The following TBX15 variants were observed in gnomAD, a reference collection of about 807,000 sequenced individuals.
The protein encoded by TBX15 is T-box transcription factor TBX15.
In TBX15, 18 loss-of-function variants were observed where a neutral mutation model predicts 53.9. The observed-to-expected ratio is 0.33, with a 90% CI of 0.23 to 0.49. TBX15 has a LOEUF of 0.49. Ranked by LOEUF, TBX15 falls within the 20% of genes least tolerant of loss-of-function variation. TBX15 has a pLI of 0.98. For synonymous variants in TBX15, 295 were observed against 278.0 expected, an observed-to-expected ratio of 1.06 and a Z score of -0.61; for missense variants, 692 against 749.5, an observed-to-expected ratio of 0.92 and a Z score of 0.90.
chr1:118,884,928 G>C lies in TBX15; in HGVS notation c.1613C>G (p.Ser538Cys). The change falls in exon 8 of 8, where the codon TCT becomes TGT. Residue 538 changes from serine (S) to cysteine (C), a missense_variant. Coordinates refer to ENST00000369429, the MANE Select transcript of TBX15 (RefSeq NM_001330677.2). ...LAASPEKLSA[S>C]QSTLLCSSPS... ...AGAAGAACAGAGTAAAGTGCTTTGA[G>C]AGGCGCTCAGTTTTTCCGGGCTTGC... The C allele has an allele frequency of 6.2e-7, 1 of 1,614,218 alleles. No individual in the cohort carries two copies. The highest frequency in any genetic ancestry group is 2.2e-5 in the East Asian group (1 of 44,866).
intron 1 of TBX15, among the ~76,000 whole-genome samples, chr1:118,985,431 T>C (rs1035894848): frequency 6.6e-6 from 1 of 152,224 alleles, no homozygotes; most frequent in Non-Finnish European, 1.5e-5. Context: ...AGCCGACAGC[T>C]CCACCTCTTC....
chr1:118,938,384 A>C (rs141139765), intron 1 of TBX15, among the ~76,000 whole-genome samples: 31 of 152,266 alleles, frequency 2.0e-4, no homozygotes, highest in African/African-American at 6.7e-4. Flanking sequence ...CCACTTAACA[A>C]GCAGCACCTC....
chr1:118,915,015 C>T (rs1466967459), intron 5 of TBX15, among the ~76,000 whole-genome samples: 1 of 152,216 alleles, frequency 6.6e-6, no homozygotes, highest in Admixed American at 6.5e-5. Flanking sequence ...TTCTGGCAAA[C>T]CCTGCCATGG....
intron 1 of TBX15, among the ~76,000 whole-genome samples, chr1:118,949,752 G>A (rs1357475367): frequency 6.6e-6 from 1 of 152,150 alleles, no homozygotes; most frequent in East Asian, 1.9e-4. Context: ...ATCAGCACTG[G>A]TTCAATGGCT....
At chr1:118,916,039 G>T (rs1457248860) in intron 5 of TBX15, among the ~76,000 whole-genome samples, 1 of 152,196 alleles carries the variant, frequency 6.6e-6, no homozygotes, top group Non-Finnish European at 1.5e-5. Flanking sequence ...TGAAGAGAGT[G>T]GTTGTGCCAC....
intron 1 of TBX15, among the ~76,000 whole-genome samples, chr1:118,942,259 G>A (rs1656201470): frequency 6.6e-6 from 1 of 152,206 alleles, no homozygotes; most frequent in Non-Finnish European, 1.5e-5. Flanking sequence ...TATTTAGAGG[G>A]CAGCAATCTA....
chr1:118,923,692 C>A (rs1655502430), intron 4 of TBX15, 89 bp from the exon 5 acceptor site: 3 of 1,503,086 alleles, frequency 2.0e-6, no homozygotes, highest in Non-Finnish European at 2.8e-6. Context: ...AGTTGAAGCA[C>A]TATAGGAAAA....
intron 1 of TBX15, among the ~76,000 whole-genome samples, chr1:118,977,112 G>A (rs972335243): frequency 6.6e-6 from 1 of 152,260 alleles, no homozygotes; most frequent in East Asian, 1.9e-4. Context: ...ACTTGCCCAA[G>A]GTCATACAAC....
chr1:118,952,351 C>A (rs1266491021), intron 1 of TBX15, among the ~76,000 whole-genome samples: 1 of 152,036 alleles, frequency 6.6e-6, no homozygotes, highest in Non-Finnish European at 1.5e-5. Flanking sequence ...TTTTTGGCTA[C>A]ATAGGGAGTC....
chr1:118,972,771 T>C (rs1328357599), intron 1 of TBX15, among the ~76,000 whole-genome samples: 1 of 152,166 alleles, frequency 6.6e-6, no homozygotes, highest in Non-Finnish European at 1.5e-5. Flanking sequence ...AGCTAATTTT[T>C]GTATTTTTAG....
chr1:118,986,224 G>A (rs1657830927), intron 1 of TBX15, among the ~76,000 whole-genome samples: 1 of 152,244 alleles, frequency 6.6e-6, no homozygotes, highest in Non-Finnish European at 1.5e-5. Flanking sequence ...GGTCTGGCCA[G>A]CGAAGGGAAA....
intron 6 of TBX15, among the ~76,000 whole-genome samples, 188 bp from the exon 7 acceptor site, chr1:118,899,313 T>C (rs528924910): frequency 2.2e-4 from 33 of 152,100 alleles, no homozygotes; most frequent in Non-Finnish European, 4.6e-4. Context: ...GAATAACAAA[T>C]TAACCCAATT....
intron 6 of TBX15, among the ~76,000 whole-genome samples, chr1:118,906,693 T>C (rs1239734086): frequency 1.3e-5 from 2 of 152,212 alleles, no homozygotes; most frequent in Non-Finnish European, 2.9e-5. Context: ...TTAAACATTC[T>C]CTTTCAGTGA....
At chr1:118,926,341 A>C (rs938614692) in intron 3 of TBX15, among the ~76,000 whole-genome samples, 169 bp downstream of exon 3, 1 of 152,240 alleles carries the variant, frequency 6.6e-6, no homozygotes, top group Non-Finnish European at 1.5e-5. Context: ...ATCCCAGGTC[A>C]AAGTTAACAC....
At chr1:118,978,384 C>G (rs1051697826) in intron 1 of TBX15, among the ~76,000 whole-genome samples, 7 of 152,116 alleles carry the variant, frequency 4.6e-5, no homozygotes, top group Non-Finnish European at 4.4e-5. Context: ...TTTCAAAAAG[C>G]AAAACCAAAG....
At chr1:118,899,538 G>A (rs529114143) in intron 6 of TBX15, among the ~76,000 whole-genome samples, 1 of 152,134 alleles carries the variant, frequency 6.6e-6, no homozygotes, top group Non-Finnish European at 1.5e-5. Flanking sequence ...CAGCCTGACC[G>A]AGAGTCAACT....
intron 2 of TBX15, among the ~76,000 whole-genome samples, chr1:118,927,550 G>A (rs1348976717): frequency 6.6e-6 from 1 of 152,156 alleles, no homozygotes; most frequent in Non-Finnish European, 1.5e-5. Context: ...AAGTTCTCAG[G>A]CTGTCAACGT....
chr1:118,897,000 C>A (rs983271152), intron 7 of TBX15, among the ~76,000 whole-genome samples: 2 of 152,040 alleles, frequency 1.3e-5, no homozygotes, highest in African/African-American at 4.8e-5. Context: ...AATTCAAGTT[C>A]TTTCTTCTCT....
At chr1:118,916,425 G>A (rs1352245340) in intron 5 of TBX15, among the ~76,000 whole-genome samples, 1 of 152,044 alleles carries the variant, frequency 6.6e-6, no homozygotes, top group East Asian at 1.9e-4. Flanking sequence ...TGTAACACAG[G>A]ATATGAACAG....
Sources: allele counts gnomAD v4.1 joint callset (sites outside exome capture counted in the v4.1 genomes callset), GRCh38; gene constraint gnomAD v4.1.1; transcripts MANE v1.5; gene names NCBI Gene and HGNC (gene_info 2026-07-23, HGNC 2026-07-21).